Variants in FBRS observed in about 807,000 individuals in gnomAD.
The protein encoded by FBRS is fibrosin.
FBRS carries 15 observed loss-of-function variants against 86.1 expected under a neutral mutation model. The ratio of observed to expected loss-of-function variants is 0.17; its 90% CI spans 0.12 to 0.27. The LOEUF (loss-of-function observed/expected upper bound fraction) is 0.27, where lower values mean the gene tolerates loss of function less well. FBRS is among the 10% of genes least tolerant of loss of function. The probability of loss-of-function intolerance (pLI) is 1.00; values close to 1 mark genes in which losing one functional copy is unlikely to be tolerated. For missense variants in FBRS, 1,367 were observed against 1,301.6 expected (o/e 1.05, Z -0.77); for synonymous variants, 666 against 575.8 (o/e 1.16, Z -2.24).
rs752837711 is a variant in FBRS at position 30,662,759 on chromosome 16, A to C, written c.955A>C (p.Ser319Arg). ...CCCTGCACCCCTGCCGGCCACTCCC[A>C]GTCTGCCACCCCCACCCCAGCCCCA... is the stretch of plus-strand genomic sequence containing the variant. ...SPPAPLPATP[S>R]LPPPPQPQLQ... The change falls in exon 6 of 18, where the codon AGT becomes CGT. Residue 319 changes from serine (S) to arginine (R), a missense_variant. This residue lies in a region of FBRS where 702 missense variants were observed against 598.7 expected (regional missense o/e 1.17). Coordinates refer to ENST00000356166, the MANE Select transcript of FBRS (RefSeq NM_001105079.3). 144 of 1,526,234 alleles carry C rather than the reference A, an allele frequency of 9.4e-5. No individual in the cohort carries two copies. Among genetic ancestry groups the C allele is most frequent in the South Asian group, 4.0e-4 (33 of 81,592 alleles). 94.5% of individuals were successfully genotyped at this position (1,526,234 alleles called of 1,614,324 possible).
intron 11 of FBRS, chr16:30,666,187 C>T (rs2052520215): frequency 4.1e-6 from 2 of 488,654 alleles, no homozygotes; most frequent in Non-Finnish European, 7.3e-6. Context: ...AAGGCATTTT[C>T]CCTAAATAAA....
chr16:30,667,250 C>A, intron 13 of FBRS, 70 bp from the exon 14 acceptor site: 3 of 1,282,678 alleles, frequency 2.3e-6, no homozygotes, highest in Non-Finnish European at 3.2e-6. Flanking sequence ...AGGGGAACCA[C>A]GGGTGAGAGA....
At chr16:30,667,074 A>G (rs1451565087) in intron 13 of FBRS, 84 bp downstream of exon 13, 2 of 1,372,536 alleles carry the variant, frequency 1.5e-6, no homozygotes, top group South Asian at 1.2e-5. Flanking sequence ...AACAGAGCTC[A>G]GCAGAATCTT....
intron 2 of FBRS, among the ~76,000 whole-genome samples, chr16:30,660,974 G>C (rs2052452772): frequency 6.6e-6 from 1 of 152,134 alleles, no homozygotes; most frequent in African/African-American, 2.4e-5. Context: ...AAGTTGTTTT[G>C]GGCAAGAGCA....
In FBRS at chr16:30,660,411, G is replaced by A; in HGVS notation, c.608G>A (p.Arg203Gln). Residue 203 changes from arginine (R) to glutamine (Q), a missense_variant, in exon 2 of 18, where the codon CGA (arginine) becomes CAA (glutamine). Arg to Gln is a conservative substitution (Grantham distance 43, BLOSUM62 1). Around this residue, in one of 3 missense-constraint regions of FBRS, gnomAD observed 702 missense variants for 598.7 expected, o/e 1.17. Transcript: ENST00000356166. Reference sequence around the variant, plus strand: ...GGCCGGCCCCCTGGGGATCGGGCCCGAAAATGGCCCAATAAGCGGAGAAGA... The same window carrying A: ...GGCCGGCCCCCTGGGGATCGGGCCCAAAAATGGCCCAATAAGCGGAGAAGA... ...EPGRPPGDRA[R>Q]KWPNKRRRKE... The A allele has an allele frequency of 7.9e-7, 1 of 1,260,124 alleles. No homozygotes were observed. The highest frequency in any genetic ancestry group is 3.1e-5 in the East Asian group (1 of 31,788). 78.1% of individuals were successfully genotyped at this position (1,260,124 alleles called of 1,614,324 possible).
In FBRS at chr16:30,664,498, G is replaced by A; in HGVS notation, c.1339G>A (p.Ala447Thr). The part of the protein sequence containing the change: ...LQVPGHPGAS[A>T]ANALSEQDLI... ...GGTGCCAGGGCACCCTGGGGCCTCAGCCGCTAACGCCCTTTCTGGTGAGTT... is the reference window on the plus strand; with the variant it reads ...GGTGCCAGGGCACCCTGGGGCCTCAACCGCTAACGCCCTTTCTGGTGAGTT... The change falls in exon 7 of 18, where the codon GCC becomes ACC. Residue 447 changes from alanine to threonine, a missense_variant. Physicochemically the swap from Ala to Thr is moderately conservative, Grantham distance 58 (BLOSUM62 0). Around this residue, in one of 3 missense-constraint regions of FBRS, gnomAD observed 702 missense variants for 598.7 expected, o/e 1.17. Transcript: ENST00000356166. The A allele has an allele frequency of 7.1e-7, 1 of 1,409,450 alleles. No homozygotes were observed. Among genetic ancestry groups the A allele is most frequent in the Non-Finnish European group, 9.2e-7 (1 of 1,084,174 alleles). The allele number at this position is 1,409,450 out of a possible 1,614,324, so 87.3% of individuals were successfully genotyped here.
intron 16 of FBRS, 47 bp from the exon 17 acceptor site, chr16:30,668,725 C>T (rs1357297183): frequency 2.5e-6 from 4 of 1,584,040 alleles, no homozygotes; most frequent in Admixed American, 3.4e-5. Context: ...CTGAACAGGG[C>T]CTCCCACTTC....
In FBRS at chr16:30,666,423, T is replaced by TG. The variant is rs1353586541; in HGVS notation, c.1774-84dup. The TG allele has an allele frequency of 1.9e-6, 3 of 1,538,850 alleles. No individual in the cohort carries two copies. The African/African-American group carries it at 4.1e-5, about 21-fold the overall frequency. On this transcript the variant is annotated intron_variant, in intron 11 of 17. Coordinates refer to ENST00000356166, the MANE Select transcript of FBRS (RefSeq NM_001105079.3). ...GGGAGTCCCAGTGTCTCAGGCATGT[T>TG]GGGGGTGAGTGGATGCTGTGGAGAT... is the stretch of plus-strand genomic sequence containing the variant.
Position 30,668,987 on chromosome 16 carries a change from T to TGA in FBRS, c.2366+8_2366+9insGA. ...CAAGGAGGAGAAGGACAGGTGTGCC[T>TGA]CCCACCCACCCTGCCCCTGCCCCAC... On this transcript the variant is annotated intron_variant, in intron 17 of 17. Coordinates refer to ENST00000356166, the MANE Select transcript of FBRS (RefSeq NM_001105079.3). 6.8e-7 allele frequency: 1 copy of TGA among 1,481,128 alleles called. No individual in the cohort carries two copies. The highest frequency in any genetic ancestry group is 9.2e-7 in the Non-Finnish European group (1 of 1,088,970). The allele number at this position is 1,481,128 out of a possible 1,614,324, so 91.7% of individuals were successfully genotyped here. A position where few individuals can be genotyped will look rare whatever the true frequency, so the allele number is the denominator to read the frequency against.
Position 30,669,184 on chromosome 16 carries a change from A to G in FBRS, c.2482A>G (p.Lys828Glu), listed in dbSNP as rs573849920. ...KESVRVKEER[K>E]EEAAAAAAAA... ...ATCTGTGCGGGTAAAGGAAGAGCGG[A>G]AGGAGGAGGCTGCCGCCGCCGCTGC... The change falls in exon 18 of 18, where the codon AAG (lysine) becomes GAG (glutamate). Residue 828 changes from lysine to glutamate, a missense_variant. Around this residue, in one of 3 missense-constraint regions of FBRS, gnomAD observed 659 missense variants for 678.8 expected, o/e 0.97. Coordinates refer to ENST00000356166, the MANE Select transcript of FBRS (RefSeq NM_001105079.3). The surrounding 1 kb of genome is among the most constrained non-coding windows in gnomAD (Gnocchi z 5.9). 1 of 1,550,966 alleles carries G rather than the reference A, an allele frequency of 6.4e-7. No homozygotes were observed. Among genetic ancestry groups the G allele is most frequent in the African/African-American group, 1.4e-5 (1 of 73,046 alleles).
chr16:30,663,691 A>T (rs1441436103), intron 6 of FBRS, among the ~76,000 whole-genome samples: 7 of 152,174 alleles, frequency 4.6e-5, no homozygotes, highest in African/African-American at 1.7e-4. Flanking sequence ...GGTAAGAACT[A>T]TTGACACTTA....
intron 16 of FBRS, 29 bp from the exon 17 acceptor site, chr16:30,668,741 CCT>C (rs772983220): frequency 3.8e-6 from 6 of 1,589,550 alleles, no homozygotes; most frequent in South Asian, 3.3e-5. Context: ...ACTTCTGGCC[CCT>C]GTCACTCTCT....
chr16:30,666,593 A>T, intron 12 of FBRS, 52 bp downstream of exon 12: 2 of 1,613,402 alleles, frequency 1.2e-6, no homozygotes, highest in South Asian at 2.2e-5. Context: ...TGGTGTTAGC[A>T]TGTTTGGCTA....
At chr16:30,664,044 G>A (rs1365313081) in intron 6 of FBRS, among the ~76,000 whole-genome samples, 171 bp from the exon 7 acceptor site, 2 of 152,152 alleles carry the variant, frequency 1.3e-5, no homozygotes, top group Non-Finnish European at 2.9e-5. Context: ...GGGTGTGGGA[G>A]GCGCCTCAGT....
chr16:30,666,685 C>A, intron 12 of FBRS, 144 bp downstream of exon 12: 1 of 1,393,702 alleles, frequency 7.2e-7, no homozygotes, highest in Non-Finnish European at 1.0e-6. Flanking sequence ...TGAGGGCTTT[C>A]AAGTTGCAGA....
Position 30,670,042 on chromosome 16 carries a change from C to T in FBRS, c.*397C>T, listed in dbSNP as rs530983051. On this transcript the variant is annotated 3_prime_UTR_variant, in exon 18 of 18. Transcript: ENST00000356166. ...CTACCACCCAAGTCCTCATGCCCTC[C>T]GAGGGCTGGGGGAGGAGGGGCTCAA... 1.3e-4 allele frequency: 65 copies of T among 500,076 alleles called. No homozygotes were observed. The highest frequency in any genetic ancestry group is 9.6e-4 in the African/African-American group (50 of 51,816). 31.0% of individuals were successfully genotyped at this position (500,076 alleles called of 1,614,324 possible). A position where few individuals can be genotyped will look rare whatever the true frequency, so the allele number is the denominator to read the frequency against.
rs1054524393 is a variant in FBRS at position 30,667,637 on chromosome 16, C to T, written c.2074+15C>T. On this transcript the variant is annotated intron_variant, in intron 15 of 17. Coordinates refer to ENST00000356166, the MANE Select transcript of FBRS (RefSeq NM_001105079.3). ...CACCCACATTGGTAAGAGCCAAGGG[C>T]GTGTTGGGCAACCCAGGCTTTGTCC... is the stretch of plus-strand genomic sequence containing the variant. 39 of 1,487,620 alleles carry T rather than the reference C, an allele frequency of 2.6e-5. No individual in the cohort carries two copies. The highest frequency in any genetic ancestry group is 4.3e-5 in the African/African-American group (3 of 70,400). 92.2% of individuals were successfully genotyped at this position (1,487,620 alleles called of 1,614,324 possible).
At chr16:30,666,155 A>T (rs1001039069) in intron 11 of FBRS, 8 of 445,770 alleles carry the variant, frequency 1.8e-5, no homozygotes, top group African/African-American at 1.6e-4. Flanking sequence ...AGACTAGGCC[A>T]GAGGTTTTCC....
At chr16:30,666,839 C>T in intron 12 of FBRS, 80 bp from the exon 13 acceptor site, 1 of 1,475,832 alleles carries the variant, frequency 6.8e-7, no homozygotes, top group Non-Finnish European at 9.3e-7. Flanking sequence ...CGAGGCTGGG[C>T]CCAGAGCCAG....
Sources: allele counts gnomAD v4.1 joint callset (sites outside exome capture counted in the v4.1 genomes callset), GRCh38; gene constraint gnomAD v4.1.1; regional missense constraint gnomAD v4.1.1; non-coding constraint Gnocchi (gnomAD v3.1); transcripts MANE v1.5; gene names NCBI Gene and HGNC (gene_info 2026-07-23, HGNC 2026-07-21).